Variants in UBE2C observed in about 807,000 individuals in gnomAD.
UBE2C encodes the protein ubiquitin conjugating enzyme E2 C.
UBE2C carries 16 observed loss-of-function variants against 23.5 expected under a neutral mutation model. The observed-to-expected ratio is 0.68, with a 90% CI of 0.46 to 1.03. UBE2C has a LOEUF of 1.03. Ranked by LOEUF, UBE2C falls within the 50% of genes least tolerant of loss-of-function variation. The pLI, the probability that UBE2C is intolerant of heterozygous loss-of-function variation, is 0.00. For synonymous variants in UBE2C, 76 were observed against 91.6 expected (o/e 0.83, Z 0.97); for missense variants, 192 against 227.6 (o/e 0.84, Z 1.01).
rs1407634129 is a variant in UBE2C, at chr20:45,816,948, T to G, written c.*181T>G. On this transcript the variant is annotated 3_prime_UTR_variant, in exon 6 of 6. Transcript: ENST00000356455. ...ATTAAATAAATGCATTTTTGTCCTT[T>G]TTTAGACAAGTTGTTGCGTTGTAAT... 3.8e-6 allele frequency: 2 copies of G among 530,014 alleles called. No individual in the cohort carries two copies. The highest frequency in any genetic ancestry group is 6.7e-5 in the East Asian group (2 of 29,746). The allele number at this position is 530,014 out of a possible 1,614,324, so 32.8% of individuals were successfully genotyped here.
At chr20:45,813,997 C>T (rs1045281851) in intron 2 of UBE2C, among the ~76,000 whole-genome samples, 1 of 151,598 alleles carries the variant, frequency 6.6e-6, no homozygotes, top group African/African-American at 2.4e-5. Flanking sequence ...TTCAGCTACT[C>T]GGGAGGCTGA....
At chr20:45,816,615 C>G in intron 5 of UBE2C, 94 bp from the exon 6 acceptor site, 1 of 1,200,714 alleles carries the variant, frequency 8.3e-7, no homozygotes, top group Non-Finnish European at 1.2e-6. Context: ...CCAGCTTGGT[C>G]AACAGAGTGA....
In UBE2C at chr20:45,813,482, C is replaced by T. The variant is rs373025694; in HGVS notation, c.129+18C>T. 14 of 1,614,126 alleles carry T rather than the reference C, an allele frequency of 8.7e-6. No homozygotes were observed. The South Asian group carries it at 1.2e-4, about 14-fold the overall frequency. On this transcript the variant is annotated intron_variant, in intron 2 of 5. Coordinates refer to ENST00000356455, the MANE Select transcript of UBE2C (RefSeq NM_007019.4). ...CCCTCATGGTGAGTGATTAAGTGCCCAGAACCCCAGCCTTCCATCCAATTT... is the reference window on the plus strand; with the variant it reads ...CCCTCATGGTGAGTGATTAAGTGCCTAGAACCCCAGCCTTCCATCCAATTT...
chr20:45,813,951 A>T (rs921075162), intron 2 of UBE2C, among the ~76,000 whole-genome samples: 1 of 151,988 alleles, frequency 6.6e-6, no homozygotes, highest in Non-Finnish European at 1.5e-5. Flanking sequence ...CTAAAAATAC[A>T]AAAATTATCC....
In UBE2C at chr20:45,812,675, C is replaced by G. The variant is rs1167323579; in HGVS notation, c.-21C>G. Reference sequence around the variant, plus strand: ...GCAGTCGTGTTCTCCGAGTTCCTGTCTCTCTGCCAACGCCGCCCGGATGGC... The same window carrying G: ...GCAGTCGTGTTCTCCGAGTTCCTGTGTCTCTGCCAACGCCGCCCGGATGGC... On this transcript the variant is annotated 5_prime_UTR_variant, in exon 1 of 6. Coordinates refer to ENST00000356455, the MANE Select transcript of UBE2C (RefSeq NM_007019.4). 1.3e-6 allele frequency: 2 copies of G among 1,550,602 alleles called. No individual in the cohort carries two copies. Among genetic ancestry groups the G allele is most frequent in the Admixed American group, 2.0e-5 (1 of 51,014 alleles).
At position 45,812,779 on chromosome 20, in the gene UBE2C, G is replaced by T. The variant is rs1436996028; in HGVS notation, c.84G>T (p.Arg28=). 1.3e-6 allele frequency: 2 copies of T among 1,556,076 alleles called. No homozygotes were observed. Among genetic ancestry groups the T allele is most frequent in the East Asian group, 2.4e-5 (1 of 41,634 alleles). ...KGAEPSGGAA[R]GPVGKRLQQE... ...CTGAGCCGAGCGGGGGCGCCGCCCG[G>T]GGTCCGGTGGGCAAAAGGTGAGTGA... is the stretch of plus-strand genomic sequence containing the variant. Residue 28 remains arginine (R), a synonymous_variant, in exon 1 of 6, where the codon CGG becomes CGT. Transcript: ENST00000356455.
rs781652276 is a variant in UBE2C, at chr20:45,815,431, G to A, written c.217-110G>A. On this transcript the variant is annotated intron_variant, in intron 3 of 5. Coordinates refer to ENST00000356455, the MANE Select transcript of UBE2C (RefSeq NM_007019.4). ...GAACCAGCTCAACAGTTTGTCTACT[G>A]TCCGGTCCCAGAGAAACTCAAGATT... is the stretch of plus-strand genomic sequence containing the variant. 5 of 1,613,974 alleles carry A rather than the reference G, an allele frequency of 3.1e-6. No individual in the cohort carries two copies. In the Admixed American group the frequency reaches 8.3e-5, roughly 27 times the overall value.
chr20:45,813,643 C>T (rs951571205), intron 2 of UBE2C, among the ~76,000 whole-genome samples, 179 bp downstream of exon 2: 1 of 151,456 alleles, frequency 6.6e-6, no homozygotes, highest in Admixed American at 6.6e-5. Flanking sequence ...TTCCATCCCC[C>T]CACACGAAGT....
intron 3 of UBE2C, 99 bp downstream of exon 3, chr20:45,814,569 T>A: frequency 1.2e-6 from 1 of 866,954 alleles, no homozygotes; most frequent in Non-Finnish European, 1.8e-6. Flanking sequence ...AGCAAGACAC[T>A]CCTCCTGTGA....
chr20:45,813,234 C>T (rs1982096454), intron 1 of UBE2C: 6 of 1,480,966 alleles, frequency 4.1e-6, no homozygotes, highest in South Asian at 1.4e-5. Flanking sequence ...AGAATCATCC[C>T]GAGGGAGTCT....
At chr20:45,813,514 GCCT>G (rs1358314149) in intron 2 of UBE2C, 50 bp downstream of exon 2, 1 of 1,613,470 alleles carries the variant, frequency 6.2e-7, no homozygotes, top group Admixed American at 1.7e-5. Context: ...ATTTTCAGTA[GCCT>G]CCTTTTTTCC....
At position 45,813,082 on chromosome 20, in the gene UBE2C, G is replaced by A. The variant is rs1568713617; in HGVS notation, c.101+286G>A. The A allele has an allele frequency of 4.3e-6, 6 of 1,404,790 alleles. No individual in the cohort carries two copies. The South Asian group carries it at 9.7e-5, about 23-fold the overall frequency. The allele number at this position is 1,404,790 out of a possible 1,614,324, so 87.0% of individuals were successfully genotyped here. A position where few individuals can be genotyped will look rare whatever the true frequency, so the allele number is the denominator to read the frequency against. On this transcript the variant is annotated intron_variant, in intron 1 of 5. Transcript: ENST00000356455. ...GACTCTCCCGAAGGAGAATGGGAGGGTAGGGGCGCTGCCAGACTCCTTCCC... is the reference window on the plus strand; with the variant it reads ...GACTCTCCCGAAGGAGAATGGGAGGATAGGGGCGCTGCCAGACTCCTTCCC...
At chr20:45,816,074 T>C (rs546372609) in intron 5 of UBE2C, among the ~76,000 whole-genome samples, 161 bp downstream of exon 5, 1 of 152,326 alleles carries the variant, frequency 6.6e-6, no homozygotes, top group African/African-American at 2.4e-5. Context: ...CTATTTGCTA[T>C]AAAATAGCAA....
intron 4 of UBE2C, 54 bp from the exon 5 acceptor site, chr20:45,815,800 C>A: frequency 6.2e-7 from 1 of 1,613,436 alleles, no homozygotes; most frequent in South Asian, 1.1e-5. Flanking sequence ...TGTCAGGACT[C>A]CCTGGGGTCA....
At chr20:45,813,552 G>A (rs1982138194) in intron 2 of UBE2C, 88 bp downstream of exon 2, 7 of 1,575,344 alleles carry the variant, frequency 4.4e-6, no homozygotes, top group South Asian at 4.4e-5. Context: ...TAGACATAGG[G>A]GTAATGTAAT....
intron 3 of UBE2C, 57 bp from the exon 4 acceptor site, chr20:45,815,484 G>A: frequency 6.2e-7 from 1 of 1,614,204 alleles, no homozygotes; most frequent in Non-Finnish European, 8.5e-7. Flanking sequence ...TGGGGCTTGG[G>A]TTGGGACATG....
Position 45,815,723 on chromosome 20 carries a change from CTCCA to C in UBE2C, c.404_407del (p.Ile135ArgfsTer4). 1 of 1,613,992 alleles carries C rather than the reference CTCCA, an allele frequency of 6.2e-7. No homozygotes were observed. The highest frequency in any genetic ancestry group is 1.1e-5 in the South Asian group (1 of 91,068). Reference sequence around the variant, plus strand: ...TGTATGATGTCAGGACCATTCTGCTCTCCATCCAGAGCCTTCTAGGAGGTGACTT... The same window carrying C: ...TGTATGATGTCAGGACCATTCTGCTCTCCAGAGCCTTCTAGGAGGTGACTT... On this transcript the variant is annotated frameshift_variant, in exon 4 of 6. Transcript: ENST00000356455. LOFTEE classifies it high-confidence loss of function.
chr20:45,815,117 G>A (rs1982380789), intron 3 of UBE2C, among the ~76,000 whole-genome samples: 1 of 151,972 alleles, frequency 6.6e-6, no homozygotes, highest in Non-Finnish European at 1.5e-5. Flanking sequence ...GATTACAGGC[G>A]TGAGCCACCA....
chr20:45,813,344 C>A (rs1041325172), intron 1 of UBE2C, 93 bp from the exon 2 acceptor site: 3 of 1,609,362 alleles, frequency 1.9e-6, no homozygotes, highest in Non-Finnish European at 2.5e-6. Context: ...GCCTCCATGA[C>A]GGCTCCCCCT....
Sources: gnomAD v4.1 joint callset for allele counts (sites outside exome capture counted in the v4.1 genomes callset) on GRCh38, gnomAD v4.1.1 for gene constraint, MANE v1.5 for transcripts, NCBI Gene and HGNC (gene_info 2026-07-23, HGNC 2026-07-21) for gene names.